Variants in ROBO2 observed in about 807,000 individuals in gnomAD.
ROBO2 encodes roundabout homolog 2.
ROBO2 carries 53 observed loss-of-function variants against 160.8 expected under a neutral mutation model. That is an observed-to-expected ratio of 0.33 (90% confidence interval 0.26 to 0.41). The LOEUF is 0.41. Among genes scored for constraint, ROBO2 ranks in the 10% least tolerant of loss-of-function variants. The pLI is 1.00. For synonymous variants in ROBO2, 664 were observed against 611.7 expected, an observed-to-expected ratio of 1.09 and a Z score of -1.26; for missense variants, 1,577 against 1,722.4, an observed-to-expected ratio of 0.92 and a Z score of 1.49.
At chr3:75,985,340 A>T (rs1161623768) in intron 2 of ROBO2, among the ~76,000 whole-genome samples, 1 of 151,626 alleles carries the variant, frequency 6.6e-6, no homozygotes, top group Non-Finnish European at 1.5e-5. Context: ...TAGACCATGC[A>T]TCACTTAAAA....
chr3:76,830,321 G>A (rs987618118), intron 2 of ROBO2, among the ~76,000 whole-genome samples: 1 of 152,092 alleles, frequency 6.6e-6, no homozygotes, highest in Admixed American at 6.6e-5. Context: ...CCTTAGAAAT[G>A]TCTGTTACCT....
chr3:76,367,160 T>C (rs1252002419), intron 2 of ROBO2, among the ~76,000 whole-genome samples: 1 of 152,070 alleles, frequency 6.6e-6, no homozygotes, highest in African/African-American at 2.4e-5. Flanking sequence ...AAATTTATTA[T>C]ATCATGTGGA....
chr3:75,913,874 A>G (rs1452401721), intron 1 of ROBO2, among the ~76,000 whole-genome samples: 1 of 152,162 alleles, frequency 6.6e-6, no homozygotes, highest in African/African-American at 2.4e-5. Flanking sequence ...CAGTTCACAA[A>G]CATTCGTTGT....
At chr3:76,219,910 A>G (rs1472215183) in intron 2 of ROBO2, among the ~76,000 whole-genome samples, 1 of 152,016 alleles carries the variant, frequency 6.6e-6, no homozygotes, top group Non-Finnish European at 1.5e-5. Flanking sequence ...CACAATAGCA[A>G]AGACTTGGAA....
At chr3:76,332,769 A>AT (rs1430056311) in intron 2 of ROBO2, among the ~76,000 whole-genome samples, 3 of 152,196 alleles carry the variant, frequency 2.0e-5, no homozygotes, top group African/African-American at 7.2e-5. Flanking sequence ...TTCAAAATAT[A>AT]TTTAGTGCAT....
At chr3:77,020,892 A>T (rs773985341) in intron 2 of ROBO2, among the ~76,000 whole-genome samples, 1 of 152,138 alleles carries the variant, frequency 6.6e-6, no homozygotes, top group African/African-American at 2.4e-5. Context: ...CTAAACAAAG[A>T]TAATTTGAGA....
chr3:76,718,418 C>T (rs924049470), intron 2 of ROBO2, among the ~76,000 whole-genome samples: 8 of 152,212 alleles, frequency 5.3e-5, no homozygotes. Flanking sequence ...ATAGTTTCAT[C>T]AAATTCTGTT....
At chr3:77,300,994 G>A (rs979922904) in intron 2 of ROBO2, among the ~76,000 whole-genome samples, 4 of 151,534 alleles carry the variant, frequency 2.6e-5, no homozygotes, top group East Asian at 3.9e-4. Flanking sequence ...TCAGCCTCCC[G>A]AGTAGCTGGG....
At chr3:76,357,235 CA>C (rs1335724997) in intron 2 of ROBO2, among the ~76,000 whole-genome samples, 1 of 151,860 alleles carries the variant, frequency 6.6e-6, no homozygotes, top group South Asian at 2.1e-4. Flanking sequence ...TGAATTAATG[CA>C]GGAACAGAAA....
intron 2 of ROBO2, among the ~76,000 whole-genome samples, chr3:76,457,011 T>C (rs1243484442): frequency 6.6e-6 from 1 of 152,142 alleles, no homozygotes; most frequent in Non-Finnish European, 1.5e-5. Flanking sequence ...TTCTGGGACA[T>C]ACAATTCAAG....
intron 2 of ROBO2, among the ~76,000 whole-genome samples, chr3:76,585,369 A>G (rs894797301): frequency 1.3e-5 from 2 of 152,138 alleles, no homozygotes; most frequent in Non-Finnish European, 2.9e-5. Context: ...CTCACTAAAA[A>G]TTTTCCCAGA....
chr3:76,090,423 CAAAACA>C (rs367626610), intron 2 of ROBO2, among the ~76,000 whole-genome samples: 40 of 151,808 alleles, frequency 2.6e-4, no homozygotes, highest in East Asian at 9.7e-4. Context: ...GAGATCCTGT[CAAAACA>C]AAAACAAAAA....
At chr3:77,588,929 T>C (rs779010695) in exon 17 of ROBO2, 8 of 1,613,108 alleles carry the variant, frequency 5.0e-6, no homozygotes, top group East Asian at 4.5e-5. Flanking sequence ...TCAGTAATTA[T>C]GCTGGTAAGT....
chr3:76,275,154 G>T (rs1026426812), intron 2 of ROBO2, among the ~76,000 whole-genome samples: 1 of 152,116 alleles, frequency 6.6e-6, no homozygotes, highest in Admixed American at 6.6e-5. Flanking sequence ...AATGCGAAGT[G>T]CTGTACTTAT....
chr3:76,939,865 A>C (rs1364786029), intron 2 of ROBO2, among the ~76,000 whole-genome samples: 2 of 151,998 alleles, frequency 1.3e-5, no homozygotes, highest in Non-Finnish European at 2.9e-5. Flanking sequence ...TCTGCAGTCC[A>C]CTGAATCTGT....
chr3:76,402,139 T>C (rs1304536612), intron 2 of ROBO2, among the ~76,000 whole-genome samples: 2 of 151,570 alleles, frequency 1.3e-5, no homozygotes, highest in East Asian at 3.9e-4. Context: ...CTTCTTTTAC[T>C]TGTGATTTTT....
chr3:77,487,475 G>T (rs936004836), intron 4 of ROBO2, among the ~76,000 whole-genome samples: 1 of 152,100 alleles, frequency 6.6e-6, no homozygotes, highest in Non-Finnish European at 1.5e-5. Flanking sequence ...CTCAGGCAAG[G>T]AAAGTTCTAG....
intron 2 of ROBO2, among the ~76,000 whole-genome samples, chr3:76,191,936 G>A (rs1702024579): frequency 6.6e-6 from 1 of 151,858 alleles, no homozygotes; most frequent in Admixed American, 6.6e-5. Context: ...CTTGCCCCAT[G>A]TATACAGGGT....
intron 2 of ROBO2, among the ~76,000 whole-genome samples, chr3:76,031,824 CT>C (rs954974197): frequency 8.0e-5 from 12 of 150,784 alleles, no homozygotes; most frequent in East Asian, 3.9e-4. Flanking sequence ...CTAAAATTCT[CT>C]TTTTTTTTAT....
Sources: gnomAD v4.1 joint callset for allele counts (sites outside exome capture counted in the v4.1 genomes callset) on GRCh38, gnomAD v4.1.1 for gene constraint, MANE v1.5 for transcripts, NCBI Gene and HGNC (gene_info 2026-07-23, HGNC 2026-07-21) for gene names.